The following DCDC2C variants were observed in gnomAD, a reference collection of about 807,000 sequenced individuals.
The protein encoded by DCDC2C is doublecortin domain containing 2C, also known as doublecortin domain-containing protein 2C.
A neutral mutation model predicts 45.0 loss-of-function variants in DCDC2C; 44 were observed. The observed-to-expected ratio is 0.98, with a 90% CI of 0.77 to 1.26. The LOEUF (loss-of-function observed/expected upper bound fraction) is 1.26, where lower values mean the gene tolerates loss of function less well. Ranked by LOEUF, DCDC2C falls within the 50% of genes most tolerant of loss-of-function variation. The probability of loss-of-function intolerance (pLI) is 0.00; values close to 1 mark genes in which losing one functional copy is unlikely to be tolerated. For missense variants in DCDC2C, 447 were observed against 468.9 expected (o/e 0.95, Z 0.43); for synonymous variants, 187 against 178.8 (o/e 1.05, Z -0.37).
intron 4 of DCDC2C, among the ~76,000 whole-genome samples, chr2:3,752,022 C>T (rs992462335): frequency 2.9e-4 from 44 of 152,138 alleles, no homozygotes; most frequent in Admixed American, 2.7e-3. Context: ...CTTTTTACAG[C>T]ACCGTACATG....
chr2:3,778,014 C>T (rs57873356), intron 8 of DCDC2C, among the ~76,000 whole-genome samples: 17,065 of 148,048 alleles, frequency 0.12, 1,408 homozygotes, highest in East Asian at 0.29. Context: ...AAACAGGAGG[C>T]GCCAGGGCCT....
At chr2:3,770,128 C>T (rs1325698843) in intron 8 of DCDC2C, among the ~76,000 whole-genome samples, 3 of 152,244 alleles carry the variant, frequency 2.0e-5, no homozygotes, top group African/African-American at 7.2e-5. Flanking sequence ...GCTTTGTCTT[C>T]ACTACCCACC....
At chr2:3,724,290 C>T (rs1183674233) in intron 2 of DCDC2C, among the ~76,000 whole-genome samples, 5 of 152,166 alleles carry the variant, frequency 3.3e-5, no homozygotes, top group South Asian at 2.1e-4. Flanking sequence ...ACTGTGTTCT[C>T]GCTGCCTCTC....
intron 2 of DCDC2C, among the ~76,000 whole-genome samples, chr2:3,720,479 T>A (rs1668469680): frequency 6.6e-6 from 1 of 152,160 alleles, no homozygotes; most frequent in Non-Finnish European, 1.5e-5. Flanking sequence ...TTTGTTCTGA[T>A]GCCAAGATGA....
chr2:3,754,034 C>T (rs144160412), intron 5 of DCDC2C, among the ~76,000 whole-genome samples: 23 of 152,198 alleles, frequency 1.5e-4, no homozygotes, highest in African/African-American at 5.3e-4. Flanking sequence ...TACGTGTTTC[C>T]CACCTCTCAG....
At chr2:3,780,531 C>G (rs1465331925) in intron 9 of DCDC2C, among the ~76,000 whole-genome samples, 1 of 152,170 alleles carries the variant, frequency 6.6e-6, no homozygotes, top group African/African-American at 2.4e-5. Flanking sequence ...AATTCAATGG[C>G]AAACCCAAGC....
intron 10 of DCDC2C, among the ~76,000 whole-genome samples, chr2:3,827,303 C>T (rs1459161169): frequency 3.3e-5 from 5 of 151,848 alleles, no homozygotes; most frequent in African/African-American, 1.2e-4. Flanking sequence ...GAAGGGGAGG[C>T]AGCAGGGGCA....
chr2:3,800,059 A>G lies in DCDC2C; in HGVS notation c.1065+14959A>G, dbSNP rs542047525. On this transcript the variant is annotated intron_variant, in intron 10 of 10. Coordinates refer to ENST00000399143, the MANE Select transcript of DCDC2C (RefSeq NM_001287444.2). ...GGACCCTCCGAGCCAGGTGCGGGAT[A>G]TAATCTCGTGGTGCGCCGTTTTTTA... Among the ~76,000 whole-genome samples, 354 of 152,330 alleles carry G rather than the reference A, an allele frequency of 2.3e-3. 2 individuals are homozygous for G. The highest frequency in any genetic ancestry group is 7.0e-3 in the African/African-American group (292 of 41,588).
chr2:3,824,925 A>G (rs149173861), intron 10 of DCDC2C, among the ~76,000 whole-genome samples: 1,619 of 152,216 alleles, frequency 0.011, 40 homozygotes, highest in African/African-American at 0.036. Context: ...TGGACCCAGA[A>G]TGATTTCTTG....
intron 8 of DCDC2C, 129 bp downstream of exon 8, chr2:3,769,540 T>C: frequency 3.7e-6 from 3 of 813,260 alleles, no homozygotes; most frequent in South Asian, 1.7e-5. Context: ...GTGTTCCTCC[T>C]AGTTAGAGAC....
intron 6 of DCDC2C, among the ~76,000 whole-genome samples, chr2:3,764,082 G>A (rs1349291126): frequency 1.3e-5 from 2 of 152,160 alleles, no homozygotes; most frequent in African/African-American, 4.8e-5. Context: ...AACCAGAGGA[G>A]GCATCGACTT....
chr2:3,704,097 G>C, intron 1 of DCDC2C, 59 bp downstream of exon 1: 1 of 1,219,844 alleles, frequency 8.2e-7, no homozygotes, highest in Non-Finnish European at 1.0e-6. Flanking sequence ...TTGGGTCTGA[G>C]CGTGGTCAGG....
At chr2:3,821,636 A>T (rs1215486454) in intron 10 of DCDC2C, among the ~76,000 whole-genome samples, 2 of 152,206 alleles carry the variant, frequency 1.3e-5, no homozygotes, top group Admixed American at 6.5e-5. Flanking sequence ...TTAAGATAAC[A>T]TGTGGTTTTC....
At chr2:3,811,233 G>A (rs762398139) in intron 10 of DCDC2C, among the ~76,000 whole-genome samples, 43 of 152,134 alleles carry the variant, frequency 2.8e-4, no homozygotes, top group Non-Finnish European at 5.4e-4. Context: ...TTTTCCATTT[G>A]CTTGCATCCT....
At chr2:3,825,695 C>T (rs963799372) in intron 10 of DCDC2C, among the ~76,000 whole-genome samples, 1 of 152,160 alleles carries the variant, frequency 6.6e-6, no homozygotes, top group Non-Finnish European at 1.5e-5. Flanking sequence ...TGAAGGTTGA[C>T]TAGCAGAGCT....
intron 10 of DCDC2C, among the ~76,000 whole-genome samples, chr2:3,825,493 G>T (rs1219988531): frequency 6.6e-6 from 1 of 152,188 alleles, no homozygotes; most frequent in African/African-American, 2.4e-5. Flanking sequence ...GCAGGAGCTT[G>T]TCATTACAGT....
intron 2 of DCDC2C, among the ~76,000 whole-genome samples, chr2:3,711,486 C>T (rs556777536): frequency 6.6e-6 from 1 of 152,246 alleles, no homozygotes; most frequent in Non-Finnish European, 1.5e-5. Context: ...AGACCATATT[C>T]TTTGCAGGGA....
At position 3,847,416 on chromosome 2, in the gene DCDC2C, G is replaced by A. The variant is rs55742273; in HGVS notation, c.*233G>A. The A allele has an allele frequency of 0.11, 38,606 of 339,776 alleles. 3,267 individuals are homozygous for A. Among genetic ancestry groups the A allele is most frequent in the East Asian group, 0.37 (8,572 of 23,094 alleles). 21.0% of individuals were successfully genotyped at this position (339,776 alleles called of 1,614,324 possible). On this transcript the variant is annotated 3_prime_UTR_variant, in exon 11 of 11. Transcript: ENST00000399143. ...TAAACATTTTAAAGAATGAAACGTG[G>A]TTCTTTATCATTAAGCCCCCAAAAG... is the stretch of plus-strand genomic sequence containing the variant.
Position 3,813,067 on chromosome 2 carries a change from ATTTTT to A in DCDC2C, c.1065+27976_1065+27980del, listed in dbSNP as rs869244524. ...TATATATATATATATATATATATATATTTTTTTTTTTTTGCTGTTTTTGAGATGGA... is the reference window on the plus strand; with the variant it reads ...TATATATATATATATATATATATATATTTTTTTTGCTGTTTTTGAGATGGA... On this transcript the variant is annotated intron_variant, in intron 10 of 10. Transcript: ENST00000399143. Among the ~76,000 whole-genome samples, 117 of 29,160 alleles carry A rather than the reference ATTTTT, an allele frequency of 4.0e-3. 2 individuals are homozygous for A. Among genetic ancestry groups the A allele is most frequent in the African/African-American group, 0.018 (92 of 5,248 alleles). The allele number at this position is 29,160 out of a possible 152,430, so 19.1% of individuals were successfully genotyped here. A position where few individuals can be genotyped will look rare whatever the true frequency, so the allele number is the denominator to read the frequency against.
Sources: allele counts gnomAD v4.1 joint callset (sites outside exome capture counted in the v4.1 genomes callset), GRCh38; gene constraint gnomAD v4.1.1; transcripts MANE v1.5; gene names NCBI Gene and HGNC (gene_info 2026-07-23, HGNC 2026-07-21).